PRR15L: variants seen among roughly 807,000 people sequenced by gnomAD.
PRR15L encodes the protein proline rich 15 like.
In PRR15L, 1 loss-of-function variant was observed where a neutral mutation model predicts 3.7. The observed-to-expected ratio is 0.27, with a 90% confidence interval of 0.09 to 1.27. The LOEUF (loss-of-function observed/expected upper bound fraction) is 1.27, where lower values mean the gene tolerates loss of function less well. Ranked by LOEUF, PRR15L falls within the 50% of genes most tolerant of loss-of-function variation. PRR15L has a pLI of 0.47. For synonymous variants in PRR15L, 57 were observed against 51.9 expected (o/e 1.10, Z -0.42); for missense variants, 127 against 128.7 (o/e 0.99, Z 0.06).
intron 1 of PRR15L, among the ~76,000 whole-genome samples, chr17:47,956,012 C>T (rs1598207660): frequency 6.6e-6 from 1 of 152,242 alleles, no homozygotes; most frequent in Non-Finnish European, 1.5e-5. Context: ...AAACCTGGGG[C>T]TTAACTCTCC....
At chr17:47,955,078 C>T (rs558177355) in intron 1 of PRR15L, among the ~76,000 whole-genome samples, 49 of 151,974 alleles carry the variant, frequency 3.2e-4, no homozygotes, top group African/African-American at 1.1e-3. Context: ...TACAGGCATG[C>T]GCCACCACGC....
intron 1 of PRR15L, 34 bp from the exon 2 acceptor site, chr17:47,953,297 A>C: frequency 7.6e-7 from 1 of 1,318,148 alleles, no homozygotes; most frequent in Non-Finnish European, 1.0e-6. Flanking sequence ...CAAAGGGGTC[A>C]GTGGGAAAAG....
rs769059739 is a variant in PRR15L at position 47,952,170 on chromosome 17, A to G, written c.*753T>C. ...CTGGAGCTGATATGTCTTAAATACT[A>G]TTATAGTAGGAAAGGGAGAGGAGAA... On this transcript the variant is annotated 3_prime_UTR_variant, in exon 2 of 2. Coordinates refer to ENST00000300557, the MANE Select transcript of PRR15L (RefSeq NM_024320.4). 1.3e-5 allele frequency: 2 copies of G among 152,170 alleles called. No individual in the cohort carries two copies. 9.4% of individuals were successfully genotyped at this position (152,170 alleles called of 1,614,324 possible).
chr17:47,955,306 G>A (rs2036116380), intron 1 of PRR15L, among the ~76,000 whole-genome samples: 1 of 152,162 alleles, frequency 6.6e-6, no homozygotes, highest in African/African-American at 2.4e-5. Flanking sequence ...TTTCCATGAT[G>A]AGTATAGATT....
rs2036089526 is a variant in PRR15L at position 47,953,174 on chromosome 17, T to C, written c.61A>G (p.Lys21Glu). 6.2e-7 allele frequency: 1 copy of C among 1,603,344 alleles called. No individual in the cohort carries two copies. The highest frequency in any genetic ancestry group is 1.7e-5 in the Admixed American group (1 of 58,890). Residue 21 changes from lysine (K) to glutamate (E), a missense_variant, in exon 2 of 2, where the codon AAA becomes GAA. Physicochemically the swap from Lys to Glu is moderately conservative, Grantham distance 56. Transcript: ENST00000300557. Reference sequence around the variant, plus strand: ...GTGTCAGGGATCTCATACAGCACTTTGGGAGTGGATTTCTTTTTCCGGAGG... The same window carrying C: ...GTGTCAGGGATCTCATACAGCACTTCGGGAGTGGATTTCTTTTTCCGGAGG... ...TFLRKKKSTP[K>E]VLYEIPDTYA...
chr17:47,956,681 TC>T (rs2036132232), intron 1 of PRR15L, among the ~76,000 whole-genome samples: 1 of 152,200 alleles, frequency 6.6e-6, no homozygotes, highest in Non-Finnish European at 1.5e-5. Flanking sequence ...TAAATAGTCA[TC>T]ATAAAAGATA....
chr17:47,953,897 A>G (rs1177298036), intron 1 of PRR15L, among the ~76,000 whole-genome samples: 1 of 152,168 alleles, frequency 6.6e-6, no homozygotes, highest in Non-Finnish European at 1.5e-5. Context: ...AATTCCTGCC[A>G]GGCCCCTCAG....
chr17:47,952,638 G>GT lies in PRR15L; in HGVS notation c.*284_*285insA. On this transcript the variant is annotated 3_prime_UTR_variant, in exon 2 of 2. Coordinates refer to ENST00000300557, the MANE Select transcript of PRR15L (RefSeq NM_024320.4). ...CCATGCCCACCTCCCTGCTGGCCCTGCCATTGCTTCAAGGAGGGCTGTTCC... is the reference window on the plus strand; with the variant it reads ...CCATGCCCACCTCCCTGCTGGCCCTGTCCATTGCTTCAAGGAGGGCTGTTCC... 3.0e-6 allele frequency: 1 copy of GT among 334,082 alleles called. No individual in the cohort carries two copies. Among genetic ancestry groups the GT allele is most frequent in the Non-Finnish European group, 5.5e-6 (1 of 181,234 alleles). The allele number at this position is 334,082 out of a possible 1,614,324, so 20.7% of individuals were successfully genotyped here.
intron 1 of PRR15L, among the ~76,000 whole-genome samples, chr17:47,954,125 G>A (rs939890013): frequency 6.6e-6 from 1 of 152,184 alleles, no homozygotes; most frequent in Non-Finnish European, 1.5e-5. Flanking sequence ...CTTCCCAGTG[G>A]TGACCAGCAG....
In PRR15L at chr17:47,952,782, A is replaced by C; in HGVS notation, c.*141T>G. 1 of 844,924 alleles carries C rather than the reference A, an allele frequency of 1.2e-6. No individual in the cohort carries two copies. The highest frequency in any genetic ancestry group is 1.8e-6 in the Non-Finnish European group (1 of 562,728). 52.3% of individuals were successfully genotyped at this position (844,924 alleles called of 1,614,324 possible). On this transcript the variant is annotated 3_prime_UTR_variant, in exon 2 of 2. Transcript: ENST00000300557. ...AGTGGCGGCACATAAATACAAACCT[A>C]AAAAACAGCCATTTCCTGCCAGCAG...
chr17:47,953,327 C>G (rs1478891768), intron 1 of PRR15L, 64 bp from the exon 2 acceptor site: 9 of 950,970 alleles, frequency 9.5e-6, no homozygotes, highest in Non-Finnish European at 1.4e-5. Flanking sequence ...GCCTTTGGAC[C>G]AGCTTGCTGC....
chr17:47,954,180 C>T (rs1323017587), intron 1 of PRR15L, among the ~76,000 whole-genome samples: 1 of 152,172 alleles, frequency 6.6e-6, no homozygotes, highest in Non-Finnish European at 1.5e-5. Context: ...GAGTCAGATC[C>T]TCAGGCTGGG....
Position 47,953,154 on chromosome 17 carries a change from A to T in PRR15L, c.81T>A (p.Pro27=). 2.5e-6 allele frequency: 4 copies of T among 1,613,902 alleles called. No homozygotes were observed. Among genetic ancestry groups the T allele is most frequent in the Non-Finnish European group, 2.5e-6 (3 of 1,179,900 alleles). ...CTCCCTCTGTTTGGGCATAGGTGTC[A>T]GGGATCTCATACAGCACTTTGGGAG... is the stretch of plus-strand genomic sequence containing the variant. ...KSTPKVLYEI[P]DTYAQTEGDA... The change falls in exon 2 of 2, where the codon CCT becomes CCA. Residue 27 remains proline (P), a synonymous_variant. Coordinates refer to ENST00000300557, the MANE Select transcript of PRR15L (RefSeq NM_024320.4).
At chr17:47,953,344 C>G (rs2036093439) in intron 1 of PRR15L, 81 bp from the exon 2 acceptor site, 2 of 808,928 alleles carry the variant, frequency 2.5e-6, no homozygotes, top group East Asian at 4.9e-5. Flanking sequence ...CTGCAGACTC[C>G]TAATCATGGG....
intron 1 of PRR15L, among the ~76,000 whole-genome samples, chr17:47,955,061 C>T (rs1188053489): frequency 6.6e-6 from 1 of 151,970 alleles, no homozygotes; most frequent in African/African-American, 2.4e-5. Flanking sequence ...TCCCGAGGAG[C>T]TGGGATTACA....
intron 1 of PRR15L, among the ~76,000 whole-genome samples, chr17:47,956,594 T>C (rs973813690): frequency 1.3e-5 from 2 of 152,224 alleles, no homozygotes; most frequent in Non-Finnish European, 2.9e-5. Flanking sequence ...GCCTGACTTA[T>C]GGAAATCTGA....
intron 1 of PRR15L, among the ~76,000 whole-genome samples, chr17:47,956,795 C>T (rs577914748): frequency 2.2e-4 from 34 of 152,344 alleles, no homozygotes; most frequent in African/African-American, 6.7e-4. Flanking sequence ...TATCTACAAC[C>T]GCCTGCCTGT....
chr17:47,953,074 C>A lies in PRR15L; in HGVS notation c.161G>T (p.Arg54Leu), dbSNP rs757671714. The change falls in exon 2 of 2, where the codon CGC (arginine) becomes CTC (leucine). Residue 54 changes from arginine (R) to leucine (L), a missense_variant. Physicochemically the swap from Arg to Leu is moderately radical, Grantham distance 102 (BLOSUM62 -2). Transcript: ENST00000300557. ...GCTCTTGTCCACAATCTTCTCCAGG[C>A]GGGTGTTAAAGTCGCTGTTGGGGCC... is the stretch of plus-strand genomic sequence containing the variant. ...AGGPNSDFNT[R>L]LEKIVDKSTK... 3.1e-6 allele frequency: 5 copies of A among 1,614,150 alleles called. No homozygotes were observed. Among genetic ancestry groups the A allele is most frequent in the East Asian group, 4.5e-5 (2 of 44,876 alleles).
In PRR15L at chr17:47,952,044, C is replaced by T. The variant is rs2036071331; in HGVS notation, c.*879G>A. The stretch of plus-strand genomic sequence containing the variant: ...AACAGTCATCTCAATAAATGCAAGA[C>T]ATGAGCATAAAAGAGGTTCTCTGCC... On this transcript the variant is annotated 3_prime_UTR_variant, in exon 2 of 2. Transcript: ENST00000300557. 1 of 152,208 alleles carries T rather than the reference C, an allele frequency of 6.6e-6. No homozygotes were observed. The highest frequency in any genetic ancestry group is 2.1e-4 in the South Asian group (1 of 4,832). 9.4% of individuals were successfully genotyped at this position (152,208 alleles called of 1,614,324 possible). A position where few individuals can be genotyped will look rare whatever the true frequency, so the allele number is the denominator to read the frequency against.
Sources: allele counts gnomAD v4.1 joint callset (sites outside exome capture counted in the v4.1 genomes callset), GRCh38; gene constraint gnomAD v4.1.1; transcripts MANE v1.5; gene names NCBI Gene and HGNC (gene_info 2026-07-23, HGNC 2026-07-21).